Variants in IKZF3 observed in about 807,000 individuals in gnomAD.
IKZF3 encodes the protein IKAROS family zinc finger 3.
IKZF3 carries 10 observed loss-of-function variants against 49.0 expected under a neutral mutation model. The observed-to-expected ratio is 0.20, with a 90% CI of 0.13 to 0.35. The LOEUF (loss-of-function observed/expected upper bound fraction) is 0.35. IKZF3 is among the 10% of genes least tolerant of loss of function. IKZF3 has a pLI of 1.00. For missense variants in IKZF3, 498 were observed against 664.8 expected, an observed-to-expected ratio of 0.75 and a Z score of 2.76; for synonymous variants, 209 against 228.2, an observed-to-expected ratio of 0.92 and a Z score of 0.76.
intron 3 of IKZF3, among the ~76,000 whole-genome samples, chr17:39,810,355 C>T (rs752141608): frequency 6.6e-6 from 1 of 152,052 alleles, no homozygotes; most frequent in African/African-American, 2.4e-5. Flanking sequence ...CAAAAGAATA[C>T]AGTTTGTGTA....
chr17:39,829,359 A>AGT lies in IKZF3; in HGVS notation c.163+26_163+27dup, dbSNP rs769343602. The stretch of plus-strand genomic sequence containing the variant: ...AGCCTAAGCAATATCTACAGGCATC[A>AGT]GTGTTTAGTCTGCACACTACGGCTC... On this transcript the variant is annotated intron_variant, in intron 3 of 7. Transcript: ENST00000346872. 4.1e-6 allele frequency: 6 copies of AGT among 1,465,616 alleles called. No homozygotes were observed. The African/African-American group carries it at 8.3e-5, about 20-fold the overall frequency. 90.8% of individuals were successfully genotyped at this position (1,465,616 alleles called of 1,614,324 possible). A position where few individuals can be genotyped will look rare whatever the true frequency, so the allele number is the denominator to read the frequency against.
intron 1 of IKZF3, among the ~76,000 whole-genome samples, chr17:39,851,066 T>C (rs114400736): frequency 5.4e-5 from 8 of 147,688 alleles, no homozygotes; most frequent in African/African-American, 2.0e-4. Context: ...TGTATATATA[T>C]ATATAGAGAG....
At chr17:39,831,682 G>T (rs74800057) in intron 2 of IKZF3, among the ~76,000 whole-genome samples, 5,346 of 152,148 alleles carry the variant, frequency 0.035, 327 homozygotes, top group African/African-American at 0.12. Context: ...AAAATAATAC[G>T]TGACAGAGAC....
intron 3 of IKZF3, among the ~76,000 whole-genome samples, chr17:39,794,725 T>C (rs886259365): frequency 6.6e-6 from 1 of 152,270 alleles, no homozygotes; most frequent in African/African-American, 2.4e-5. Flanking sequence ...GTTTCCTACT[T>C]GGAAAGAGGT....
intron 1 of IKZF3, among the ~76,000 whole-genome samples, chr17:39,854,027 G>A (rs1201190414): frequency 3.3e-5 from 5 of 152,166 alleles, no homozygotes; most frequent in Non-Finnish European, 7.3e-5. Flanking sequence ...TCAGGAGGCT[G>A]AGGCAGGAGA....
chr17:39,850,696 TACATTATATATAATACA>T (rs2062824722), intron 1 of IKZF3, among the ~76,000 whole-genome samples: 3 of 1,602 alleles, frequency 1.9e-3, no homozygotes, highest in Non-Finnish European at 3.5e-3. Context: ...ATATTATATA[TACATTATATATAATACA>T]TTATATATAT....
chr17:39,832,061 A>T, intron 2 of IKZF3, 37 bp downstream of exon 2: 1 of 1,492,936 alleles, frequency 6.7e-7, no homozygotes, highest in Non-Finnish European at 9.3e-7. Context: ...TTTTTTTAGT[A>T]AAGGTATATT....
intron 3 of IKZF3, among the ~76,000 whole-genome samples, chr17:39,811,779 G>A (rs1226795641): frequency 1.3e-5 from 2 of 152,184 alleles, no homozygotes; most frequent in South Asian, 4.1e-4. Context: ...AAAGAAAAAT[G>A]GATAAACACT....
In IKZF3 at chr17:39,791,597, A is replaced by G; in HGVS notation, c.425-14T>C. 1 of 1,613,362 alleles carries G rather than the reference A, an allele frequency of 6.2e-7. No homozygotes were observed. The highest frequency in any genetic ancestry group is 8.5e-7 in the Non-Finnish European group (1 of 1,179,456). On this transcript the variant is annotated splice_polypyrimidine_tract_variant and intron_variant, in intron 4 of 7. Transcript: ENST00000346872. ...ATGGGCGTTCACCTTTAAAAAGGAC[A>G]AAAAAGGAGATTTCTGGTCACAGGC...
chr17:39,862,378 C>T (rs1598250511), intron 1 of IKZF3, among the ~76,000 whole-genome samples: 1 of 152,096 alleles, frequency 6.6e-6, no homozygotes, highest in East Asian at 1.9e-4. Flanking sequence ...AAGTATTCTA[C>T]TTTCTTACAT....
At position 39,763,305 on chromosome 17, in the gene IKZF3, AC is replaced by A. The variant is rs2060220206; in HGVS notation, c.*2484del. On this transcript the variant is annotated 3_prime_UTR_variant, in exon 8 of 8. Coordinates refer to ENST00000346872, the MANE Select transcript of IKZF3 (RefSeq NM_012481.5). ...GTGGAACATTTTAATTACTGGCAGC[AC>A]ATAGACGAGTTGAGTTGGAGCCGAA... 6.6e-6 allele frequency: 1 copy of A among 152,192 alleles called. No individual in the cohort carries two copies. The highest frequency in any genetic ancestry group is 2.4e-5 in the African/African-American group (1 of 41,456). 9.4% of individuals were successfully genotyped at this position (152,192 alleles called of 1,614,324 possible). A position where few individuals can be genotyped will look rare whatever the true frequency, so the allele number is the denominator to read the frequency against.
At chr17:39,803,542 T>A (rs1250268133) in intron 3 of IKZF3, among the ~76,000 whole-genome samples, 1 of 151,840 alleles carries the variant, frequency 6.6e-6, no homozygotes. Flanking sequence ...AGACAGAGTT[T>A]CGCTCTTGTT....
chr17:39,798,455 AAAAGATCTTTCCC>A (rs573978195), intron 3 of IKZF3, among the ~76,000 whole-genome samples: 7 of 152,202 alleles, frequency 4.6e-5, no homozygotes, highest in African/African-American at 1.7e-4. Flanking sequence ...TCTACTGCCT[AAAAGATCTTTCCC>A]CAATATGGCC....
intron 3 of IKZF3, among the ~76,000 whole-genome samples, chr17:39,809,738 T>C (rs1180000350): frequency 6.6e-6 from 1 of 152,038 alleles, no homozygotes; most frequent in Non-Finnish European, 1.5e-5. Flanking sequence ...ATTTTCTCCA[T>C]CAAAATTAAG....
chr17:39,791,297 G>A (rs2061014691), intron 5 of IKZF3, 119 bp downstream of exon 5: 2 of 1,069,182 alleles, frequency 1.9e-6, no homozygotes, highest in Non-Finnish European at 2.8e-6. Context: ...CTCTGCTGTT[G>A]TAACCCTTCA....
chr17:39,850,438 ATATAG>A (rs2062788877), intron 1 of IKZF3, among the ~76,000 whole-genome samples: 1 of 133,204 alleles, frequency 7.5e-6, no homozygotes, highest in South Asian at 2.3e-4. Flanking sequence ...TATATATAAT[ATATAG>A]TATAAATATA....
intron 1 of IKZF3, among the ~76,000 whole-genome samples, chr17:39,850,953 C>T (rs534889759): frequency 1.5e-5 from 2 of 134,626 alleles, no homozygotes; most frequent in Non-Finnish European, 3.1e-5. Flanking sequence ...ATATTATATA[C>T]ACGTATATTA....
At position 39,816,498 on chromosome 17, in the gene IKZF3, T is replaced by C. The variant is rs545436972; in HGVS notation, c.163+12889A>G. On this transcript the variant is annotated intron_variant, in intron 3 of 7. Transcript: ENST00000346872. ...GTACAAAGCCACTCACATTCATTTA[T>C]GTATCTTCTACAGTTGTCTTACCTT... 1.2e-4 allele frequency among the ~76,000 whole-genome samples: 18 copies of C among 152,366 alleles called. No homozygotes were observed. The South Asian group carries it at 3.3e-3, about 28-fold the overall frequency.
chr17:39,850,577 G>T (rs1392841509), intron 1 of IKZF3, among the ~76,000 whole-genome samples: 1 of 56,696 alleles, frequency 1.8e-5, no homozygotes, highest in East Asian at 6.2e-4. Flanking sequence ...ATAGTATATA[G>T]CATATTATAC....
Sources: allele counts gnomAD v4.1 joint callset (sites outside exome capture counted in the v4.1 genomes callset), GRCh38; gene constraint gnomAD v4.1.1; transcripts MANE v1.5; gene names NCBI Gene and HGNC (gene_info 2026-07-23, HGNC 2026-07-21).